HHAT: variants seen among roughly 807,000 people sequenced by gnomAD.
HHAT encodes protein-cysteine N-palmitoyltransferase HHAT.
Under a neutral mutation model 70.8 loss-of-function variants are expected in HHAT, and 47 were observed. The observed-to-expected ratio is 0.66, with a 90% confidence interval of 0.53 to 0.85. HHAT has a LOEUF of 0.85. Among genes scored for constraint, HHAT ranks in the 40% least tolerant of loss-of-function variants. HHAT has a pLI of 0.00. For synonymous variants in HHAT, 228 were observed against 247.6 expected (o/e 0.92, Z 0.74); for missense variants, 609 against 604.8 (o/e 1.01, Z -0.07).
intron 7 of HHAT, among the ~76,000 whole-genome samples, chr1:210,429,257 A>G (rs1176284250): frequency 6.6e-6 from 1 of 151,842 alleles, no homozygotes; most frequent in African/African-American, 2.4e-5. Flanking sequence ...ATCACACTTG[A>G]TAATAGTACT....
At chr1:210,417,914 GCT>G (rs1212902047) in intron 6 of HHAT, among the ~76,000 whole-genome samples, 1 of 152,036 alleles carries the variant, frequency 6.6e-6, no homozygotes, top group Non-Finnish European at 1.5e-5. Flanking sequence ...CGTGTCTTTG[GCT>G]CTTGGCACTA....
At chr1:210,485,527 T>C (rs2094461367) in intron 8 of HHAT, among the ~76,000 whole-genome samples, 2 of 152,132 alleles carry the variant, frequency 1.3e-5, no homozygotes, top group South Asian at 4.1e-4. Context: ...GAGGTCTCTA[T>C]ATCAGTCAAT....
chr1:210,504,031 T>C (rs536177029), intron 8 of HHAT, among the ~76,000 whole-genome samples: 24 of 152,352 alleles, frequency 1.6e-4, no homozygotes, highest in African/African-American at 5.8e-4. Context: ...ATTGGATTTT[T>C]GAAATTCAAA....
intron 1 of HHAT, among the ~76,000 whole-genome samples, chr1:210,347,980 G>A (rs537668375): frequency 4.1e-4 from 63 of 152,212 alleles, no homozygotes; most frequent in Non-Finnish European, 8.5e-4. Flanking sequence ...TAATTGATGT[G>A]TAAGAAGAGA....
chr1:210,519,826 CTT>C (rs561537666), intron 9 of HHAT, among the ~76,000 whole-genome samples: 14 of 127,226 alleles, frequency 1.1e-4, no homozygotes, highest in Admixed American at 2.4e-4. Flanking sequence ...CCACACTTGG[CTT>C]TTTTTTTTTT....
intron 9 of HHAT, among the ~76,000 whole-genome samples, chr1:210,573,184 C>T (rs1331079375): frequency 2.6e-5 from 4 of 152,124 alleles, no homozygotes; most frequent in South Asian, 2.1e-4. Flanking sequence ...TTCGAGAGGC[C>T]TCATTCCCTG....
chr1:210,516,412 A>G (rs1023156511), intron 9 of HHAT, among the ~76,000 whole-genome samples: 2 of 152,152 alleles, frequency 1.3e-5, no homozygotes, highest in African/African-American at 4.8e-5. Flanking sequence ...AGTTTCATTT[A>G]GGTGGAGAGA....
chr1:210,571,600 TA>T (rs1161842987), intron 9 of HHAT, among the ~76,000 whole-genome samples: 1 of 152,162 alleles, frequency 6.6e-6, no homozygotes, highest in Admixed American at 6.5e-5. Flanking sequence ...AGGGGTAAGG[TA>T]AAGTCAAGCT....
intron 11 of HHAT, among the ~76,000 whole-genome samples, chr1:210,634,482 CAT>C (rs1161555555): frequency 5.3e-5 from 8 of 152,212 alleles, no homozygotes; most frequent in Non-Finnish European, 2.9e-5. Context: ...GGTTGTCAAT[CAT>C]AGAAAATCTG....
intron 7 of HHAT, among the ~76,000 whole-genome samples, chr1:210,419,069 G>C (rs748046005): frequency 6.6e-6 from 1 of 152,076 alleles, no homozygotes; most frequent in Admixed American, 6.6e-5. Flanking sequence ...ACAGCCATAG[G>C]TTTGAGTTTC....
At chr1:210,599,071 A>G (rs1663658103) in intron 10 of HHAT, among the ~76,000 whole-genome samples, 1 of 152,228 alleles carries the variant, frequency 6.6e-6, no homozygotes, top group African/African-American at 2.4e-5. Context: ...CTGATCGTCT[A>G]CAACAGGGTT....
chr1:210,598,084 G>T (rs114072669), intron 10 of HHAT, among the ~76,000 whole-genome samples: 1,705 of 151,984 alleles, frequency 0.011, 33 homozygotes, highest in African/African-American at 0.038. Flanking sequence ...TCAAAGCAGT[G>T]GGTTCCCTTT....
intron 8 of HHAT, among the ~76,000 whole-genome samples, chr1:210,481,266 C>T (rs1007943629): frequency 6.6e-6 from 1 of 152,208 alleles, no homozygotes; most frequent in Non-Finnish European, 1.5e-5. Context: ...TGGTTACAAA[C>T]TTCTCATCAA....
chr1:210,450,021 G>A (rs147722482), intron 7 of HHAT, among the ~76,000 whole-genome samples: 70 of 152,192 alleles, frequency 4.6e-4, no homozygotes, highest in Non-Finnish European at 8.1e-4. Context: ...TGGGCTTGGC[G>A]TGGTGGCTCA....
chr1:210,370,050 T>C lies in HHAT; in HGVS notation c.159+7131T>C, dbSNP rs1439281934. 2.6e-5 allele frequency among the ~76,000 whole-genome samples: 4 copies of C among 152,080 alleles called. No homozygotes were observed. In the East Asian group the frequency reaches 7.7e-4, roughly 29 times the overall value. ...TGCCTTGCCCTGTCTCTCTCTTCTTTCTCTTCTCTCTCTGCATACACATAT... is the reference window on the plus strand; with the variant it reads ...TGCCTTGCCCTGTCTCTCTCTTCTTCCTCTTCTCTCTCTGCATACACATAT... On this transcript the variant is annotated intron_variant, in intron 3 of 11. Coordinates refer to ENST00000261458, the MANE Select transcript of HHAT (RefSeq NM_018194.6).
chr1:210,604,219 A>G (rs963609195), intron 10 of HHAT, among the ~76,000 whole-genome samples: 22 of 150,398 alleles, frequency 1.5e-4, no homozygotes, highest in African/African-American at 5.4e-4. Context: ...AGTTGGGACT[A>G]CAGGTGCATG....
intron 2 of HHAT, among the ~76,000 whole-genome samples, chr1:210,357,007 G>A (rs1022314886): frequency 6.6e-6 from 1 of 152,250 alleles, no homozygotes; most frequent in Non-Finnish European, 1.5e-5. Context: ...CTGTCTTGAA[G>A]CATTAACAGT....
chr1:210,625,854 C>G (rs542416508), intron 11 of HHAT, among the ~76,000 whole-genome samples: 1 of 152,276 alleles, frequency 6.6e-6, no homozygotes, highest in South Asian at 2.1e-4. Context: ...GACTGGTGCA[C>G]CAGGTGCTCA....
chr1:210,329,308 C>T (rs545679802), intron 1 of HHAT: 3 of 1,219,424 alleles, frequency 2.5e-6, no homozygotes, highest in Non-Finnish European at 3.1e-6. Context: ...GCAGTGCGCC[C>T]GGGCAAAGGC....
Sources: gnomAD v4.1 joint callset for allele counts (sites outside exome capture counted in the v4.1 genomes callset) on GRCh38, gnomAD v4.1.1 for gene constraint, MANE v1.5 for transcripts, NCBI Gene and HGNC (gene_info 2026-07-23, HGNC 2026-07-21) for gene names.